Variants in DLG4 observed in about 807,000 individuals in gnomAD.
DLG4 encodes the protein disks large homolog 4.
Under a neutral mutation model 93.8 loss-of-function variants are expected in DLG4, and 7 were observed. The ratio of observed to expected loss-of-function variants is 0.07; its 90% CI spans 0.04 to 0.14. The LOEUF is 0.14. DLG4 is among the 10% of genes least tolerant of loss of function. The pLI, the probability that DLG4 is intolerant of heterozygous loss-of-function variation, is 1.00. For synonymous variants in DLG4, 341 were observed against 387.6 expected, an observed-to-expected ratio of 0.88 and a Z score of 1.41; for missense variants, 545 against 992.9, an observed-to-expected ratio of 0.55 and a Z score of 6.06.
rs747653625 is a variant in DLG4, at chr17:7,196,259, G to C, written c.1262C>G (p.Ala421Gly). 2.5e-6 allele frequency: 4 copies of C among 1,613,920 alleles called. No individual in the cohort carries two copies. The highest frequency in any genetic ancestry group is 3.4e-6 in the Non-Finnish European group (4 of 1,179,814). ...CCTTTTGGGGTTGCTCCGCAGGGAC[G>C]CAGTCCCTGAGCCCAGGCTGCTGTT... ...LMNSSLGSGT[A>G]SLRSNPKRGF... is the part of the protein sequence containing the mutation. Residue 421 changes from alanine to glycine, a missense_variant, in exon 11 of 20, where the codon GCG becomes GGG. Physicochemically the swap from Ala to Gly is moderately conservative, Grantham distance 60. Transcript: ENST00000399506. The surrounding 1 kb of genome is among the most constrained non-coding windows in gnomAD (Gnocchi z 8.3).
Position 7,196,140 on chromosome 17 carries a change from G to T in DLG4, c.1301+80C>A. The T allele has an allele frequency of 9.5e-7, 1 of 1,056,086 alleles. No individual in the cohort carries two copies. The highest frequency in any genetic ancestry group is 1.4e-6 in the Non-Finnish European group (1 of 718,564). 65.4% of individuals were successfully genotyped at this position (1,056,086 alleles called of 1,614,324 possible). A position where few individuals can be genotyped will look rare whatever the true frequency, so the allele number is the denominator to read the frequency against. On this transcript the variant is annotated intron_variant, in intron 11 of 19. Transcript: ENST00000399506. This position sits in a 1 kb window ranked among gnomAD's most constrained non-coding sequence, Gnocchi z 8.3. ...CTAGAGCAGGCAGGGTGGAGAAGAG[G>T]AGCGGCTGAGGCCCGGGCCAGGCAC...
In DLG4 at chr17:7,192,993, G is replaced by T. The variant is rs755899483; in HGVS notation, c.1818C>A (p.Ser606Arg). The T allele has an allele frequency of 6.2e-7, 1 of 1,613,728 alleles. No individual in the cohort carries two copies. The highest frequency in any genetic ancestry group is 1.1e-5 in the South Asian group (1 of 91,082). Reference sequence around the variant, plus strand: ...ACTGGACGCTGGTCCCATAGAGGTGGCTGTTGTACTGGCCGGCCTCAATGA... The same window carrying T: ...ACTGGACGCTGGTCCCATAGAGGTGTCTGTTGTACTGGCCGGCCTCAATGA... ...HKFIEAGQYN[S>R]HLYGTSVQSV... The change falls in exon 17 of 20, where the codon AGC becomes AGA. Residue 606 changes from serine (S) to arginine (R), a missense_variant. By Grantham distance (110) the Ser-to-Arg change is moderately radical. Transcript: ENST00000399506.
intron 8 of DLG4, among the ~76,000 whole-genome samples, chr17:7,201,173 C>A (rs1020263324): frequency 1.3e-5 from 2 of 152,138 alleles, no homozygotes; most frequent in African/African-American, 4.8e-5. Context: ...CAACAAATAG[C>A]CACATTCTTA....
chr17:7,218,780 C>T (rs1007989370), upstream of DLG4: 6 of 1,609,178 alleles, frequency 3.7e-6, no homozygotes, highest in Non-Finnish European at 4.3e-6. Flanking sequence ...CGAGCCCCAG[C>T]CCCCCACTTC....
At chr17:7,218,759 A>G (rs2071052481), upstream of DLG4, 4 of 1,593,410 alleles carry the variant, frequency 2.5e-6, no homozygotes, top group Admixed American at 6.7e-5. Context: ...AGATTTGGGG[A>G]GAAGGATCTC....
In DLG4 at chr17:7,189,262, C is replaced by T. The variant is rs187347272; in HGVS notation, c.*1446G>A. On this transcript the variant is annotated 3_prime_UTR_variant, in exon 20 of 20. Coordinates refer to ENST00000399506, the MANE Select transcript of DLG4 (RefSeq NM_001321075.3). ...ATCCCAGCACTTTGGGAGGCTGAGG[C>T]GGGTGGATAACAAGGTCAGGAGTTC... 1.3e-5 allele frequency among the ~76,000 whole-genome samples: 2 copies of T among 151,588 alleles called. No individual in the cohort carries two copies. The highest frequency in any genetic ancestry group is 1.3e-4 in the Admixed American group (2 of 15,246).
chr17:7,205,467 C>T (rs2070412939), intron 2 of DLG4, among the ~76,000 whole-genome samples: 1 of 152,130 alleles, frequency 6.6e-6, no homozygotes, highest in East Asian at 1.9e-4. Context: ...TTTGCAGTCG[C>T]CCAAGCGCAA....
intron 2 of DLG4, chr17:7,204,480 A>C: frequency 2.1e-6 from 1 of 477,408 alleles, no homozygotes. Context: ...CAAGGATCTA[A>C]CTCTGCCCAG....
Position 7,193,020 on chromosome 17 carries a change from C to T in DLG4, c.1791G>A (p.Lys597=). ...EKMEKDIQAH[K]FIEAGQYNSH... The stretch of plus-strand genomic sequence containing the variant: ...TGTTGTACTGGCCGGCCTCAATGAA[C>T]TTGTGCGCCTGAATGTCCTTCTCCA... Residue 597 remains lysine (K), a synonymous_variant, in exon 17 of 20, where the codon AAG becomes AAA. Coordinates refer to ENST00000399506, the MANE Select transcript of DLG4 (RefSeq NM_001321075.3). This position sits in a 1 kb window ranked among gnomAD's most constrained non-coding sequence, Gnocchi z 6.7. 1.9e-6 allele frequency: 3 copies of T among 1,613,814 alleles called. No homozygotes were observed. In the South Asian group the frequency reaches 3.3e-5, roughly 18 times the overall value.
intron 2 of DLG4, chr17:7,207,960 CAG>C: frequency 4.2e-6 from 4 of 949,500 alleles, no homozygotes; most frequent in South Asian, 5.5e-5. Context: ...CCCCCGCCCC[CAG>C]TCCCAGCATC....
chr17:7,197,852 C>G (rs1238667415), intron 8 of DLG4, among the ~76,000 whole-genome samples: 1 of 152,166 alleles, frequency 6.6e-6, no homozygotes, highest in African/African-American at 2.4e-5. Flanking sequence ...TATGCCTCTG[C>G]CCCTGTATCT....
intron 1 of DLG4, among the ~76,000 whole-genome samples, chr17:7,214,906 T>C (rs752535330): frequency 6.6e-6 from 1 of 152,146 alleles, no homozygotes; most frequent in Non-Finnish European, 1.5e-5. Flanking sequence ...AAATGTTCCT[T>C]AAATTACTGC....
At chr17:7,204,375 T>G in intron 2 of DLG4, 123 bp from the exon 3 acceptor site, 1 of 894,240 alleles carries the variant, frequency 1.1e-6, no homozygotes, top group Non-Finnish European at 1.7e-6. Context: ...TCCGCCACCC[T>G]GAGAGCTGCT....
intron 8 of DLG4, among the ~76,000 whole-genome samples, chr17:7,198,862 A>AG (rs887967448): frequency 9.2e-5 from 14 of 151,488 alleles, no homozygotes; most frequent in Non-Finnish European, 1.9e-4. Flanking sequence ...AAAAAAAAAA[A>AG]AAAGTTAGCT....
In DLG4 at chr17:7,208,405, C is replaced by T. The variant is rs993343873; in HGVS notation, c.31-166G>A. Among the ~76,000 whole-genome samples, 3 of 152,024 alleles carry T rather than the reference C, an allele frequency of 2.0e-5. No individual in the cohort carries two copies. In the South Asian group the frequency reaches 6.2e-4, roughly 32 times the overall value. On this transcript the variant is annotated intron_variant, in intron 1 of 19. Coordinates refer to ENST00000399506, the MANE Select transcript of DLG4 (RefSeq NM_001321075.3). The surrounding 1 kb of genome is among the most constrained non-coding windows in gnomAD (Gnocchi z 5.4). ...CTCTAGCCCATTGGCTCCCCTCTCTCCACTCTCCCAACAGCCCCCTCTCCC... is the reference window on the plus strand; with the variant it reads ...CTCTAGCCCATTGGCTCCCCTCTCTTCACTCTCCCAACAGCCCCCTCTCCC...
Position 7,191,401 on chromosome 17 carries a change from T to C in DLG4, c.1977-43A>G, listed in dbSNP as rs529886684. 1.1e-5 allele frequency: 16 copies of C among 1,498,370 alleles called. No homozygotes were observed. In the African/African-American group the frequency reaches 1.4e-4, roughly 13 times the overall value. The allele number at this position is 1,498,370 out of a possible 1,614,324, so 92.8% of individuals were successfully genotyped here. ...GAGCAGGCCTGAGACTGGACCCACCTGACCCTGCCTTTTATCTCCTCTATC... is the reference window on the plus strand; with the variant it reads ...GAGCAGGCCTGAGACTGGACCCACCCGACCCTGCCTTTTATCTCCTCTATC... On this transcript the variant is annotated intron_variant, in intron 18 of 19. Coordinates refer to ENST00000399506, the MANE Select transcript of DLG4 (RefSeq NM_001321075.3). The surrounding 1 kb of genome is among the most constrained non-coding windows in gnomAD (Gnocchi z 6.6).
chr17:7,201,742 G>T (rs749891816), intron 8 of DLG4, among the ~76,000 whole-genome samples: 35 of 152,218 alleles, frequency 2.3e-4, no homozygotes, highest in Middle Eastern at 3.4e-3. Context: ...TTAGCCAGGC[G>T]TGATGGTGGG....
chr17:7,219,634 G>T, upstream of DLG4: 1 of 1,235,040 alleles, frequency 8.1e-7, no homozygotes, highest in Non-Finnish European at 1.0e-6. Flanking sequence ...CCCCACCGGA[G>T]AAGCCCTCCC....
intron 2 of DLG4, among the ~76,000 whole-genome samples, chr17:7,206,180 CCTGGG>C (rs1480332731): frequency 6.6e-6 from 1 of 152,016 alleles, no homozygotes; most frequent in African/African-American, 2.4e-5. Context: ...GCCTTGAACT[CCTGGG>C]CTCAAGCAGT....
Sources: allele counts gnomAD v4.1 joint callset (sites outside exome capture counted in the v4.1 genomes callset), GRCh38; gene constraint gnomAD v4.1.1; non-coding constraint Gnocchi (gnomAD v3.1); transcripts MANE v1.5; gene names NCBI Gene and HGNC (gene_info 2026-07-23, HGNC 2026-07-21).